KCNIP4: variants seen among roughly 807,000 people sequenced by gnomAD.
The protein encoded by KCNIP4 is potassium voltage-gated channel interacting protein 4, also known as Kv channel-interacting protein 4.
KCNIP4 carries 12 observed loss-of-function variants against 34.0 expected under a neutral mutation model. The observed-to-expected ratio is 0.35, with a 90% CI of 0.23 to 0.57. The LOEUF is 0.57. KCNIP4 is among the 20% of genes least tolerant of loss of function. The pLI is 0.83. For synonymous variants in KCNIP4, 124 were observed against 102.2 expected (o/e 1.21, Z -1.29); for missense variants, 238 against 311.7 (o/e 0.76, Z 1.78).
intron 1 of KCNIP4, among the ~76,000 whole-genome samples, chr4:21,616,897 G>C (rs1482804027): frequency 6.6e-6 from 1 of 152,104 alleles, no homozygotes. Flanking sequence ...ATCTTGAAGT[G>C]CTGTCAGGAC....
intron 3 of KCNIP4, among the ~76,000 whole-genome samples, chr4:20,770,475 A>C (rs1755770281): frequency 1.9e-5 from 1 of 53,674 alleles, no homozygotes; most frequent in Admixed American, 2.6e-4. Flanking sequence ...AATATTGACC[A>C]AAAAAAAAAA....
At chr4:21,495,162 C>T (rs1210234857) in intron 1 of KCNIP4, among the ~76,000 whole-genome samples, 4 of 149,936 alleles carry the variant, frequency 2.7e-5, no homozygotes, top group Non-Finnish European at 5.9e-5. Context: ...TTTCACTATT[C>T]GTTCTTTGTT....
At chr4:21,767,834 C>T (rs16871890) in intron 1 of KCNIP4, among the ~76,000 whole-genome samples, 22,504 of 151,910 alleles carry the variant, frequency 0.15, 5,600 homozygotes, top group African/African-American at 0.51. Flanking sequence ...AGCAACCAAA[C>T]TTACCACCGA....
At chr4:21,459,546 C>T (rs943085991) in intron 1 of KCNIP4, among the ~76,000 whole-genome samples, 1 of 151,964 alleles carries the variant, frequency 6.6e-6, no homozygotes, top group African/African-American at 2.4e-5. Flanking sequence ...AAAAGTATAG[C>T]TCCTCTTAGG....
intron 1 of KCNIP4, among the ~76,000 whole-genome samples, chr4:21,109,802 G>C (rs1283752875): frequency 4.6e-5 from 7 of 151,526 alleles, no homozygotes; most frequent in Non-Finnish European, 1.0e-4. Context: ...TATTCTTTGT[G>C]TATTTCCTCT....
chr4:20,923,198 A>T lies in KCNIP4; in HGVS notation c.62-40489T>A, dbSNP rs747601304. Among the ~76,000 whole-genome samples the T allele has an allele frequency of 3.3e-5, 5 of 152,340 alleles. No homozygotes were observed. The East Asian group carries it at 9.6e-4, about 29-fold the overall frequency. On this transcript the variant is annotated intron_variant, in intron 1 of 8. Transcript: ENST00000382152. ...AGTTTGTCTTTGTTTCACAGTCACAAGTTGTATTTCTATTCTTCCATTTTC... is the reference window on the plus strand; with the variant it reads ...AGTTTGTCTTTGTTTCACAGTCACATGTTGTATTTCTATTCTTCCATTTTC...
At chr4:21,065,092 C>T (rs577788413) in intron 1 of KCNIP4, among the ~76,000 whole-genome samples, 2 of 152,210 alleles carry the variant, frequency 1.3e-5, no homozygotes, top group African/African-American at 4.8e-5. Flanking sequence ...GCCATTCTGG[C>T]AGCCCTATGT....
intron 1 of KCNIP4, among the ~76,000 whole-genome samples, chr4:21,580,479 T>C (rs990996754): frequency 6.6e-6 from 1 of 152,148 alleles, no homozygotes; most frequent in African/African-American, 2.4e-5. Context: ...CTTGATGGGA[T>C]TGCTTAATAT....
chr4:21,703,277 AG>A (rs1437926820), intron 1 of KCNIP4, among the ~76,000 whole-genome samples: 1 of 152,186 alleles, frequency 6.6e-6, no homozygotes, highest in Non-Finnish European at 1.5e-5. Context: ...AGAAACTTAA[AG>A]GCATACAGAG....
chr4:21,001,857 T>A (rs1268967734), intron 1 of KCNIP4, among the ~76,000 whole-genome samples: 1 of 152,232 alleles, frequency 6.6e-6, no homozygotes, highest in African/African-American at 2.4e-5. Flanking sequence ...CTCCACCAAA[T>A]GACGTTTATT....
At position 21,330,125 on chromosome 4, in the gene KCNIP4, G is replaced by A. The variant is rs541732517; in HGVS notation, c.62-447416C>T. ...TTAACATTAAATAAATCATCTAATAGATAATTTAAATGTGCAGTAGTGTTC... is the reference window on the plus strand; with the variant it reads ...TTAACATTAAATAAATCATCTAATAAATAATTTAAATGTGCAGTAGTGTTC... On this transcript the variant is annotated intron_variant, in intron 1 of 8. Coordinates refer to ENST00000382152, the MANE Select transcript of KCNIP4 (RefSeq NM_025221.6). Among the ~76,000 whole-genome samples, 310 of 152,220 alleles carry A rather than the reference G, an allele frequency of 2.0e-3. 1 individual carries two copies. The highest frequency in any genetic ancestry group is 7.1e-3 in the African/African-American group (293 of 41,542).
At chr4:21,748,986 G>A (rs1716965754) in intron 1 of KCNIP4, among the ~76,000 whole-genome samples, 1 of 152,056 alleles carries the variant, frequency 6.6e-6, no homozygotes, top group Admixed American at 6.6e-5. Flanking sequence ...AACATTCCAG[G>A]CTGTAATAAC....
intron 1 of KCNIP4, among the ~76,000 whole-genome samples, chr4:21,238,715 A>C (rs1193024860): frequency 6.6e-6 from 1 of 152,214 alleles, no homozygotes; most frequent in Non-Finnish European, 1.5e-5. Flanking sequence ...ACCACTGCTC[A>C]ATGAAATAAA....
intron 1 of KCNIP4, among the ~76,000 whole-genome samples, chr4:21,335,035 T>C (rs575329621): frequency 6.6e-6 from 1 of 152,248 alleles, no homozygotes; most frequent in South Asian, 2.1e-4. Context: ...GCTCTCCTTT[T>C]CCATTTTATA....
chr4:21,484,658 C>T (rs1452201783), intron 1 of KCNIP4, among the ~76,000 whole-genome samples: 1 of 152,026 alleles, frequency 6.6e-6, no homozygotes, highest in Non-Finnish European at 1.5e-5. Flanking sequence ...ACTCATCTAC[C>T]TCATTGTTTA....
At chr4:21,298,495 G>A (rs891467600) in intron 1 of KCNIP4, among the ~76,000 whole-genome samples, 2 of 152,004 alleles carry the variant, frequency 1.3e-5, no homozygotes, top group African/African-American at 4.8e-5. Flanking sequence ...TTTCTCAGTA[G>A]CATCTTATGT....
chr4:21,878,328 G>A (rs182425201), intron 1 of KCNIP4, among the ~76,000 whole-genome samples: 48 of 152,148 alleles, frequency 3.2e-4, no homozygotes, highest in Admixed American at 1.9e-3. Context: ...CACCTGCCTC[G>A]ACCTCCCAAA....
At chr4:20,957,727 G>A (rs1733460602) in intron 1 of KCNIP4, among the ~76,000 whole-genome samples, 1 of 151,922 alleles carries the variant, frequency 6.6e-6, no homozygotes, top group Non-Finnish European at 1.5e-5. Flanking sequence ...AAGCCATTTT[G>A]GATACTATTA....
intron 1 of KCNIP4, among the ~76,000 whole-genome samples, chr4:21,303,002 T>C (rs1280755035): frequency 6.6e-6 from 1 of 152,138 alleles, no homozygotes; most frequent in Non-Finnish European, 1.5e-5. Flanking sequence ...AGAGAAACAA[T>C]GACTGGCTGT....
Sources: gnomAD v4.1 joint callset for allele counts (sites outside exome capture counted in the v4.1 genomes callset) on GRCh38, gnomAD v4.1.1 for gene constraint, MANE v1.5 for transcripts, NCBI Gene and HGNC (gene_info 2026-07-23, HGNC 2026-07-21) for gene names.